KIAA1549L: variants seen among roughly 807,000 people sequenced by gnomAD.
KIAA1549L encodes the protein UPF0606 protein KIAA1549L.
A neutral mutation model predicts 160.7 loss-of-function variants in KIAA1549L; 88 were observed. That is an observed-to-expected ratio of 0.55 (90% CI 0.46 to 0.65). KIAA1549L has a LOEUF of 0.65. Ranked by LOEUF, KIAA1549L falls within the 30% of genes least tolerant of loss-of-function variation. The pLI is 0.00. For missense variants in KIAA1549L, 2,258 were observed against 2,437.5 expected, an observed-to-expected ratio of 0.93 and a Z score of 1.55; for synonymous variants, 950 against 976.7, an observed-to-expected ratio of 0.97 and a Z score of 0.51.
intron 1 of KIAA1549L, among the ~76,000 whole-genome samples, chr11:33,435,878 A>G (rs1249156995): frequency 2.9e-5 from 4 of 137,570 alleles, no homozygotes; most frequent in Admixed American, 2.3e-4. Flanking sequence ...AATATTAGAT[A>G]TAGTACATAC....
intron 1 of KIAA1549L, among the ~76,000 whole-genome samples, chr11:33,451,433 G>A (rs1213271198): frequency 1.3e-5 from 2 of 152,148 alleles, no homozygotes; most frequent in Non-Finnish European, 2.9e-5. Context: ...AAATAACCAT[G>A]TGCACATAAA....
intron 15 of KIAA1549L, among the ~76,000 whole-genome samples, chr11:33,611,125 C>T (rs890950701): frequency 6.6e-6 from 1 of 152,218 alleles, no homozygotes; most frequent in African/African-American, 2.4e-5. Context: ...CGGTCAAAGG[C>T]AGAGGTTAGT....
At chr11:33,583,186 C>T (rs1370574017) in intron 10 of KIAA1549L, among the ~76,000 whole-genome samples, 152 bp from the exon 11 acceptor site, 5 of 152,192 alleles carry the variant, frequency 3.3e-5, no homozygotes, top group Non-Finnish European at 7.3e-5. Flanking sequence ...GGTCACACAG[C>T]TGCGGAGGTG....
chr11:33,481,193 T>A (rs1265031098), intron 1 of KIAA1549L, among the ~76,000 whole-genome samples: 1 of 152,230 alleles, frequency 6.6e-6, no homozygotes, highest in Non-Finnish European at 1.5e-5. Context: ...TATATTTATA[T>A]CAGTTCTTTA....
intron 9 of KIAA1549L, among the ~76,000 whole-genome samples, chr11:33,571,609 G>C (rs532729332): frequency 2.0e-5 from 3 of 152,212 alleles, no homozygotes; most frequent in Admixed American, 1.3e-4. Flanking sequence ...GCAAGAAAGA[G>C]GGTGGGGGGA....
At chr11:33,576,573 G>A (rs138178552) in intron 10 of KIAA1549L, among the ~76,000 whole-genome samples, 185 of 152,288 alleles carry the variant, frequency 1.2e-3, no homozygotes, top group African/African-American at 4.4e-3. Context: ...ATAGAGGACA[G>A]GAGTGAAAAC....
Position 33,465,046 on chromosome 11 carries a change from C to CTTTTTTTTT in KIAA1549L, c.239-76737_239-76729dup, listed in dbSNP as rs1008261470. On this transcript the variant is annotated intron_variant, in intron 1 of 20. Transcript: ENST00000658780. ...CATTCAACTCGCATGGGACCTTCTT[C>CTTTTTTTTT]TTTTTTTTTTTTTTTTTTTTTTTTT... is the stretch of plus-strand genomic sequence containing the variant. Among the ~76,000 whole-genome samples, 42 of 79,004 alleles carry CTTTTTTTTT rather than the reference C, an allele frequency of 5.3e-4. 4 individuals are homozygous for CTTTTTTTTT. Among genetic ancestry groups the CTTTTTTTTT allele is most frequent in the African/African-American group, 2.1e-3 (40 of 19,332 alleles). 51.8% of individuals were successfully genotyped at this position (79,004 alleles called of 152,430 possible). A position where few individuals can be genotyped will look rare whatever the true frequency, so the allele number is the denominator to read the frequency against.
chr11:33,650,562 C>T (rs1391434827), intron 17 of KIAA1549L, among the ~76,000 whole-genome samples: 1 of 152,072 alleles, frequency 6.6e-6, no homozygotes, highest in African/African-American at 2.4e-5. Flanking sequence ...GCTGGTGTCC[C>T]TGAGAAGCCC....
chr11:33,648,204 C>T (rs886166545), intron 17 of KIAA1549L, among the ~76,000 whole-genome samples: 1 of 152,044 alleles, frequency 6.6e-6, no homozygotes, highest in African/African-American at 2.4e-5. Flanking sequence ...CCACGTTGGC[C>T]AGGCTGGTCT....
chr11:33,507,817 ACT>A (rs1487612987), intron 1 of KIAA1549L, among the ~76,000 whole-genome samples: 1 of 152,098 alleles, frequency 6.6e-6, no homozygotes, highest in East Asian at 1.9e-4. Context: ...TTGATATATG[ACT>A]CTGTTAGGGT....
chr11:33,545,355 C>T lies in KIAA1549L; in HGVS notation c.3362C>T (p.Ser1121Phe). 1 of 1,610,020 alleles carries T rather than the reference C, an allele frequency of 6.2e-7. No individual in the cohort carries two copies. Among genetic ancestry groups the T allele is most frequent in the Non-Finnish European group, 8.5e-7 (1 of 1,179,164 alleles). ...KMASNLECQM[S>F]SKLLVKTVLF... ...GCATCCAACCTGGAGTGTCAGATGT[C>T]CAGTAAGCTCCTGGTGAAGACAGGT... The change falls in exon 3 of 21, where the codon TCC becomes TTC. Residue 1121 changes from serine (S) to phenylalanine (F), a missense_variant. This residue lies in a region of KIAA1549L where 1,359 missense variants were observed against 1,546.6 expected (regional missense o/e 0.88). Transcript: ENST00000658780.
intron 1 of KIAA1549L, among the ~76,000 whole-genome samples, chr11:33,394,493 G>A (rs7943329): frequency 0.59 from 89,551 of 151,746 alleles, 26,973 homozygotes; most frequent in Non-Finnish European, 0.66. Context: ...TTTCCATAAA[G>A]AAAAGTCAGG....
intron 1 of KIAA1549L, among the ~76,000 whole-genome samples, chr11:33,519,027 G>A (rs965947964): frequency 4.6e-5 from 7 of 152,180 alleles, no homozygotes; most frequent in Admixed American, 3.9e-4. Context: ...GATTTGGGAT[G>A]CTCAACCTGT....
chr11:33,611,889 A>G (rs990047439), intron 15 of KIAA1549L, among the ~76,000 whole-genome samples: 1 of 152,228 alleles, frequency 6.6e-6, no homozygotes, highest in Non-Finnish European at 1.5e-5. Flanking sequence ...TGAAAAGAGA[A>G]TGAATGAAGA....
At position 33,398,321 on chromosome 11, in the gene KIAA1549L, A is replaced by G. The variant is rs535226235; in HGVS notation, c.238+21432A>G. On this transcript the variant is annotated intron_variant, in intron 1 of 20. Transcript: ENST00000658780. ...TCAGGCCTGCATCCACTCTATACCA[A>G]TGCTGCTGCTCCACATGGCTTATAA... 1.2e-3 allele frequency among the ~76,000 whole-genome samples: 184 copies of G among 152,204 alleles called. 4 individuals carry two copies. The highest frequency in any genetic ancestry group is 4.6e-4 in the Admixed American group (7 of 15,292).
chr11:33,419,905 CAT>C (rs57056542), intron 1 of KIAA1549L, among the ~76,000 whole-genome samples: 2,588 of 53,556 alleles, frequency 0.048, 67 homozygotes, highest in African/African-American at 0.1. Flanking sequence ...TACATACATA[CAT>C]ATATATATAT....
rs550817065 is a variant in KIAA1549L at position 33,594,865 on chromosome 11, G to A, written c.4751+3444G>A. The stretch of plus-strand genomic sequence containing the variant: ...ATTTACCTGAATTGACTTGCAAGTA[G>A]TATTACCTACAGCTATTATTCTCAT... On this transcript the variant is annotated intron_variant, in intron 12 of 20. Coordinates refer to ENST00000658780, the MANE Select transcript of KIAA1549L (RefSeq NM_012194.3). Among the ~76,000 whole-genome samples, 188 of 152,316 alleles carry A rather than the reference G, an allele frequency of 1.2e-3. 5 individuals are homozygous for A. In the South Asian group the frequency reaches 0.036, roughly 29 times the overall value.
intron 1 of KIAA1549L, among the ~76,000 whole-genome samples, chr11:33,410,774 A>G (rs1413695618): frequency 6.6e-6 from 1 of 152,202 alleles, no homozygotes; most frequent in African/African-American, 2.4e-5. Flanking sequence ...GGGAGAATGG[A>G]ATTCTGGGAA....
chr11:33,543,228 G>A lies in KIAA1549L; in HGVS notation c.1665G>A (p.Trp555Ter). Reference protein sequence around the residue: ...SKVPNLLSTSWTFPRWKKDSV... With the variant: ...SKVPNLLSTS ...TTCCTAATCTTCTTTCCACATCTTG[G>A]ACATTTCCCCGGTGGAAAAAGGACA... Residue 555 changes from tryptophan to a stop codon, truncating the protein, a stop_gained, in exon 2 of 21, where the codon TGG (tryptophan) becomes TGA (stop). Coordinates refer to ENST00000658780, the MANE Select transcript of KIAA1549L (RefSeq NM_012194.3). LOFTEE classifies it high-confidence loss of function. The A allele has an allele frequency of 6.2e-7, 1 of 1,614,014 alleles. No homozygotes were observed. Among genetic ancestry groups the A allele is most frequent in the Non-Finnish European group, 8.5e-7 (1 of 1,179,904 alleles).
Sources: allele counts gnomAD v4.1 joint callset (sites outside exome capture counted in the v4.1 genomes callset), GRCh38; gene constraint gnomAD v4.1.1; regional missense constraint gnomAD v4.1.1; transcripts MANE v1.5; gene names NCBI Gene and HGNC (gene_info 2026-07-23, HGNC 2026-07-21).